VAPB: variants seen among roughly 807,000 people sequenced by gnomAD.
VAPB encodes vesicle-associated membrane protein-associated protein B/C.
In VAPB, 7 loss-of-function variants were observed where a neutral mutation model predicts 25.6. That is an observed-to-expected ratio of 0.27 (90% CI 0.16 to 0.51). VAPB has a LOEUF of 0.51. VAPB is among the 20% of genes least tolerant of loss of function. The pLI, the probability that VAPB is intolerant of heterozygous loss-of-function variation, is 0.97. For synonymous variants in VAPB, 112 were observed against 109.2 expected, an observed-to-expected ratio of 1.03 and a Z score of -0.16; for missense variants, 266 against 301.3, an observed-to-expected ratio of 0.88 and a Z score of 0.87.
chr20:58,412,065 T>G (rs971178234), intron 1 of VAPB, among the ~76,000 whole-genome samples: 1 of 152,232 alleles, frequency 6.6e-6, no homozygotes, highest in African/African-American at 2.4e-5. Context: ...GCAAATATTT[T>G]CTCCTGGCTT....
At chr20:58,427,881 G>A (rs1458436629) in intron 2 of VAPB, among the ~76,000 whole-genome samples, 2 of 148,114 alleles carry the variant, frequency 1.4e-5, no homozygotes, top group Non-Finnish European at 3.0e-5. Flanking sequence ...TATGATGCAG[G>A]CGAAAGTGAT....
chr20:58,427,419 C>T (rs923499360), intron 2 of VAPB, among the ~76,000 whole-genome samples: 1 of 148,672 alleles, frequency 6.7e-6, no homozygotes, highest in African/African-American at 2.5e-5. Flanking sequence ...GATCTGTTAC[C>T]ATTATGATGC....
intron 1 of VAPB, among the ~76,000 whole-genome samples, chr20:58,414,421 C>A (rs1389162904): frequency 6.7e-6 from 1 of 148,610 alleles, no homozygotes; most frequent in East Asian, 2.1e-4. Flanking sequence ...GCTCCCCACC[C>A]CTCAGACGGG....
rs59367989 is a variant in VAPB at position 58,408,628 on chromosome 20, T to TAA, written c.59-9575_59-9574dup. 2.1e-4 allele frequency among the ~76,000 whole-genome samples: 32 copies of TAA among 151,240 alleles called. No individual in the cohort carries two copies. The South Asian group carries it at 5.2e-3, about 25-fold the overall frequency. On this transcript the variant is annotated intron_variant, in intron 1 of 5. Transcript: ENST00000475243. ...TCATTTTTTAGGGAGGGGGCAACTT[T>TAA]AAAAAAAAACACCATAGAATAATTA...
rs761131675 is a variant in VAPB at position 58,446,525 on chromosome 20, A to G, written c.*2290A>G. 7 of 453,882 alleles carry G rather than the reference A, an allele frequency of 1.5e-5. No homozygotes were observed. Among genetic ancestry groups the G allele is most frequent in the Non-Finnish European group, 2.6e-5 (6 of 226,750 alleles). The allele number at this position is 453,882 out of a possible 1,614,324, so 28.1% of individuals were successfully genotyped here. On this transcript the variant is annotated 3_prime_UTR_variant, in exon 6 of 6. Coordinates refer to ENST00000475243, the MANE Select transcript of VAPB (RefSeq NM_004738.5). ...CATGGGATTTGGCTTGTGAGTCTGT[A>G]ACAGTTCTTAAAAAGAATATCTGAG...
intron 1 of VAPB, among the ~76,000 whole-genome samples, chr20:58,391,433 A>G (rs935437361): frequency 1.3e-5 from 2 of 152,200 alleles, no homozygotes; most frequent in Non-Finnish European, 1.5e-5. Flanking sequence ...GAGTAGAAGA[A>G]GGCTCAAAGA....
intron 1 of VAPB, among the ~76,000 whole-genome samples, chr20:58,409,388 A>G (rs1988318836): frequency 6.6e-6 from 1 of 152,228 alleles, no homozygotes; most frequent in Admixed American, 6.5e-5. Flanking sequence ...ATTTTGCTTT[A>G]GAATGTCCGT....
At position 58,389,290 on chromosome 20, in the gene VAPB, C is replaced by G. The variant is rs1005340453; in HGVS notation, c.-170C>G. On this transcript the variant is annotated 5_prime_UTR_variant, in exon 1 of 6. Coordinates refer to ENST00000475243, the MANE Select transcript of VAPB (RefSeq NM_004738.5). ...CTCGCCCTCCGCCCCTGCGCCTGCA[C>G]CGCGTAGACCGACCCCCCCCCAGCG... 1 of 722,188 alleles carries G rather than the reference C, an allele frequency of 1.4e-6. No homozygotes were observed. The highest frequency in any genetic ancestry group is 2.1e-5 in the Admixed American group (1 of 47,780). The allele number at this position is 722,188 out of a possible 1,614,324, so 44.7% of individuals were successfully genotyped here.
At position 58,444,979 on chromosome 20, in the gene VAPB, T is replaced by G; in HGVS notation, c.*744T>G. ...TTAATGTATTTCATCTCATGTTTTC[T>G]TATTGTCACAAGAGTACAGTTAATG... On this transcript the variant is annotated 3_prime_UTR_variant, in exon 6 of 6. Coordinates refer to ENST00000475243, the MANE Select transcript of VAPB (RefSeq NM_004738.5). 1 of 454,740 alleles carries G rather than the reference T, an allele frequency of 2.2e-6. No homozygotes were observed. The highest frequency in any genetic ancestry group is 4.4e-6 in the Non-Finnish European group (1 of 226,802). The allele number at this position is 454,740 out of a possible 1,614,324, so 28.2% of individuals were successfully genotyped here. A position where few individuals can be genotyped will look rare whatever the true frequency, so the allele number is the denominator to read the frequency against.
chr20:58,397,792 A>G (rs1444317746), intron 1 of VAPB, among the ~76,000 whole-genome samples: 1 of 152,200 alleles, frequency 6.6e-6, no homozygotes, highest in Non-Finnish European at 1.5e-5. Flanking sequence ...TGGACAGAGA[A>G]ACAAATAAGG....
chr20:58,393,712 GTTTGTTTTGTTTTGT>G (rs71938478), intron 1 of VAPB, among the ~76,000 whole-genome samples: 7 of 150,412 alleles, frequency 4.7e-5, no homozygotes, highest in Admixed American at 2.6e-4. Flanking sequence ...CTAGGTTAAG[GTTTGTTTTGTTTTGT>G]TTTGTTTTGT....
At chr20:58,392,364 T>TA (rs1325197444) in intron 1 of VAPB, among the ~76,000 whole-genome samples, 1 of 152,236 alleles carries the variant, frequency 6.6e-6, no homozygotes, top group African/African-American at 2.4e-5. Context: ...TTGGCCAAAG[T>TA]AATTATGCCA....
At chr20:58,439,910 A>T (rs910753216) in intron 4 of VAPB, 5 of 152,286 alleles carry the variant, frequency 3.3e-5, no homozygotes, top group African/African-American at 1.2e-4. Flanking sequence ...GCAGCATGTG[A>T]AACTATCCTA....
At position 58,444,154 on chromosome 20, in the gene VAPB, A is replaced by G. The variant is rs767437818; in HGVS notation, c.651A>G (p.Glu217=). ...PISALAPTGK[E]EGLSTRLLAL... ...CAGCATTAGCCCCAACTGGGAAGGA[A>G]GAAGGCCTTAGCACCCGGCTCTTGG... The change falls in exon 6 of 6, where the codon GAA becomes GAG. Residue 217 remains glutamate (E), a synonymous_variant. Coordinates refer to ENST00000475243, the MANE Select transcript of VAPB (RefSeq NM_004738.5). 48 of 1,614,192 alleles carry G rather than the reference A, an allele frequency of 3.0e-5. 1 individual carries two copies. In the South Asian group the frequency reaches 3.8e-4, roughly 13 times the overall value.
At chr20:58,412,487 G>A (rs1167171408) in intron 1 of VAPB, among the ~76,000 whole-genome samples, 1 of 147,688 alleles carries the variant, frequency 6.8e-6, no homozygotes, top group East Asian at 2.0e-4. Flanking sequence ...TGGGGCATGA[G>A]AATCGCTTGA....
In VAPB at chr20:58,450,086, C is replaced by T. The variant is rs772661395; in HGVS notation, c.*5851C>T. 1 of 453,882 alleles carries T rather than the reference C, an allele frequency of 2.2e-6. No individual in the cohort carries two copies. The highest frequency in any genetic ancestry group is 4.4e-6 in the Non-Finnish European group (1 of 226,778). 28.1% of individuals were successfully genotyped at this position (453,882 alleles called of 1,614,324 possible). A position where few individuals can be genotyped will look rare whatever the true frequency, so the allele number is the denominator to read the frequency against. On this transcript the variant is annotated 3_prime_UTR_variant, in exon 6 of 6. Transcript: ENST00000475243. ...GTGCACGTTTCACACGTTGACTTGC[C>T]GGTTTTTCCATGTCATACAAAAAAG...
intron 4 of VAPB, chr20:58,439,236 T>C (rs1441342135): frequency 5.2e-6 from 3 of 575,370 alleles, no homozygotes; most frequent in Non-Finnish European, 9.2e-6. Context: ...TGACAGTGTT[T>C]CCCCTTGAAA....
At chr20:58,410,625 C>T (rs757558467) in intron 1 of VAPB, among the ~76,000 whole-genome samples, 1 of 151,966 alleles carries the variant, frequency 6.6e-6, no homozygotes, top group Non-Finnish European at 1.5e-5. Context: ...CCATACTGGC[C>T]AGGCTGGTCT....
intron 5 of VAPB, among the ~76,000 whole-genome samples, chr20:58,443,419 T>A (rs1355443987): frequency 2.0e-5 from 3 of 149,582 alleles, no homozygotes; most frequent in Non-Finnish European, 4.4e-5. Flanking sequence ...TTTTTTTTTT[T>A]AATATGGAGT....
Sources: allele counts gnomAD v4.1 joint callset (sites outside exome capture counted in the v4.1 genomes callset), GRCh38; gene constraint gnomAD v4.1.1; transcripts MANE v1.5; gene names NCBI Gene and HGNC (gene_info 2026-07-23, HGNC 2026-07-21).